The following FSTL5 variants were observed in gnomAD, a reference collection of about 807,000 sequenced individuals.
FSTL5 encodes follistatin like 5.
A neutral mutation model predicts 89.1 loss-of-function variants in FSTL5; 62 were observed. That is an observed-to-expected ratio of 0.70 (90% CI 0.57 to 0.86). The LOEUF (loss-of-function observed/expected upper bound fraction) is 0.86. Ranked by LOEUF, FSTL5 falls within the 40% of genes least tolerant of loss-of-function variation. FSTL5 has a pLI of 0.00. For missense variants in FSTL5, 1,057 were observed against 1,001.6 expected, an observed-to-expected ratio of 1.06 and a Z score of -0.75; for synonymous variants, 383 against 346.2, an observed-to-expected ratio of 1.11 and a Z score of -1.18.
chr4:161,502,534 C>T (rs1180323228), intron 11 of FSTL5, among the ~76,000 whole-genome samples: 2 of 151,790 alleles, frequency 1.3e-5, no homozygotes, highest in South Asian at 2.1e-4. Context: ...TTACTAAATA[C>T]AACTAGATTA....
intron 4 of FSTL5, among the ~76,000 whole-genome samples, chr4:161,836,856 T>C (rs1313751617): frequency 1.3e-5 from 2 of 152,128 alleles, no homozygotes; most frequent in African/African-American, 2.4e-5. Flanking sequence ...AAATCTGGAC[T>C]ATTTCCTTAT....
At chr4:161,790,095 T>G in intron 4 of FSTL5, among the ~76,000 whole-genome samples, 1 of 152,224 alleles carries the variant, frequency 6.6e-6, no homozygotes, top group East Asian at 1.9e-4. Context: ...TACTGTCACT[T>G]TGTGTTATGG....
chr4:161,558,598 CT>C (rs1732477741), intron 8 of FSTL5, among the ~76,000 whole-genome samples: 1 of 151,834 alleles, frequency 6.6e-6, no homozygotes, highest in Admixed American at 6.6e-5. Flanking sequence ...CCTAGATACT[CT>C]CTGCGTCCAC....
intron 2 of FSTL5, among the ~76,000 whole-genome samples, chr4:162,065,142 A>G (rs185220662): frequency 6.6e-6 from 1 of 152,174 alleles, no homozygotes; most frequent in Non-Finnish European, 1.5e-5. Flanking sequence ...ATCTGAAACT[A>G]TAAAACTCCT....
chr4:161,431,723 C>A (rs185458586), intron 15 of FSTL5, among the ~76,000 whole-genome samples: 296 of 152,126 alleles, frequency 1.9e-3, no homozygotes, highest in African/African-American at 7.0e-3. Flanking sequence ...ACAAGAGACA[C>A]ATTTCACCAA....
chr4:161,913,851 G>T (rs190690096), intron 4 of FSTL5, among the ~76,000 whole-genome samples: 7 of 152,100 alleles, frequency 4.6e-5, no homozygotes, highest in African/African-American at 7.2e-5. Flanking sequence ...ACCTGTACCC[G>T]CATTGTATCT....
At chr4:162,027,337 T>C (rs182556758) in intron 3 of FSTL5, among the ~76,000 whole-genome samples, 1 of 152,270 alleles carries the variant, frequency 6.6e-6, no homozygotes, top group East Asian at 1.9e-4. Context: ...TTACTTAATT[T>C]TCTTTTATAG....
At position 161,669,384 on chromosome 4, in the gene FSTL5, T is replaced by G. The variant is rs540562557; in HGVS notation, c.728-12890A>C. 2.6e-5 allele frequency among the ~76,000 whole-genome samples: 4 copies of G among 152,124 alleles called. No individual in the cohort carries two copies. In the East Asian group the frequency reaches 5.8e-4, roughly 22 times the overall value. On this transcript the variant is annotated intron_variant, in intron 6 of 15. Coordinates refer to ENST00000306100, the MANE Select transcript of FSTL5 (RefSeq NM_020116.5). ...TATTAGAAGACTGATACTACCTGAC[T>G]TCAAGAGTTGCTACAAAGCTACAAT... is the stretch of plus-strand genomic sequence containing the variant.
intron 8 of FSTL5, among the ~76,000 whole-genome samples, chr4:161,573,967 A>G (rs1043400282): frequency 6.6e-6 from 1 of 152,154 alleles, no homozygotes; most frequent in African/African-American, 2.4e-5. Flanking sequence ...TGGAGAGTAC[A>G]CGGGATAATC....
At chr4:161,495,176 C>G (rs547058307) in intron 12 of FSTL5, 1 of 152,110 alleles carries the variant, frequency 6.6e-6, no homozygotes, top group East Asian at 1.9e-4. Flanking sequence ...TTTTAGGACC[C>G]ATTAAATAAT....
intron 6 of FSTL5, among the ~76,000 whole-genome samples, chr4:161,705,537 A>G (rs1008643569): frequency 1.3e-5 from 2 of 152,048 alleles, no homozygotes; most frequent in Non-Finnish European, 2.9e-5. Flanking sequence ...TTAGAAAACC[A>G]TTAAGGAAAT....
intron 3 of FSTL5, chr4:162,032,602 A>C (rs1347916165): frequency 6.6e-6 from 1 of 152,164 alleles, no homozygotes; most frequent in Non-Finnish European, 1.5e-5. Flanking sequence ...AGATGACCCA[A>C]CATGGAAAAT....
chr4:161,848,055 A>C (rs984935565), intron 4 of FSTL5, among the ~76,000 whole-genome samples: 2 of 150,688 alleles, frequency 1.3e-5, no homozygotes, highest in South Asian at 2.1e-4. Context: ...AAAAAAAAAA[A>C]AAAAAAACAA....
intron 10 of FSTL5, among the ~76,000 whole-genome samples, chr4:161,512,878 G>A (rs1730692519): frequency 6.6e-6 from 1 of 151,876 alleles, no homozygotes; most frequent in Non-Finnish European, 1.5e-5. Flanking sequence ...TAAAGACAAA[G>A]TTTTAACAAT....
intron 6 of FSTL5, among the ~76,000 whole-genome samples, chr4:161,746,256 G>C (rs562725307): frequency 1.4e-4 from 21 of 151,984 alleles, no homozygotes; most frequent in African/African-American, 5.1e-4. Context: ...ATTTTGGATT[G>C]CACAATATAA....
At chr4:161,853,286 G>A (rs1482716794) in intron 4 of FSTL5, among the ~76,000 whole-genome samples, 1 of 151,892 alleles carries the variant, frequency 6.6e-6, no homozygotes, top group Non-Finnish European at 1.5e-5. Flanking sequence ...TTGTTGTTTT[G>A]AGATGAAGTC....
At chr4:161,754,036 C>T (rs1408994529) in intron 6 of FSTL5, among the ~76,000 whole-genome samples, 11 of 90,146 alleles carry the variant, frequency 1.2e-4, no homozygotes, top group African/African-American at 2.7e-4. Flanking sequence ...AGCAAGACAC[C>T]GTCTCAATTA....
At chr4:161,959,488 C>A (rs1287940990) in intron 3 of FSTL5, among the ~76,000 whole-genome samples, 1 of 152,006 alleles carries the variant, frequency 6.6e-6, no homozygotes, top group African/African-American at 2.4e-5. Context: ...ACTACATTTT[C>A]ATGTTAAAAC....
chr4:162,129,535 A>G (rs1365090153), intron 1 of FSTL5, among the ~76,000 whole-genome samples: 1 of 152,202 alleles, frequency 6.6e-6, no homozygotes, highest in East Asian at 1.9e-4. Context: ...AAAAATATCA[A>G]CAGAACATTG....
Sources: gnomAD v4.1 joint callset for allele counts (sites outside exome capture counted in the v4.1 genomes callset) on GRCh38, gnomAD v4.1.1 for gene constraint, MANE v1.5 for transcripts, NCBI Gene and HGNC (gene_info 2026-07-23, HGNC 2026-07-21) for gene names.